Variants in ANK1 observed in about 807,000 individuals in gnomAD.
ANK1 encodes the protein ankyrin 1, also known as ankyrin-1.
ANK1 carries 51 observed loss-of-function variants against 210.4 expected under a neutral mutation model. The observed-to-expected ratio is 0.24, with a 90% CI of 0.19 to 0.31. ANK1 has a LOEUF of 0.31. Among genes scored for constraint, ANK1 ranks in the 10% least tolerant of loss-of-function variants. ANK1 has a pLI of 1.00. For missense variants in ANK1, 2,051 were observed against 2,504.4 expected, an observed-to-expected ratio of 0.82 and a Z score of 3.86; for synonymous variants, 967 against 1,025.9, an observed-to-expected ratio of 0.94 and a Z score of 1.10.
intron 1 of ANK1, among the ~76,000 whole-genome samples, chr8:41,773,862 G>A (rs545794040): frequency 2.4e-4 from 37 of 152,266 alleles, no homozygotes; most frequent in African/African-American, 8.7e-4. Flanking sequence ...GATGGGGAGT[G>A]GACCCAAGTG....
chr8:41,865,205 G>T (rs1296783767), intron 1 of ANK1, among the ~76,000 whole-genome samples: 2 of 152,168 alleles, frequency 1.3e-5, no homozygotes. Context: ...TGAGCACACG[G>T]CTGAGGAGGG....
At chr8:41,723,785 A>C in intron 7 of ANK1, 152 bp from the exon 8 acceptor site, 2 of 468,956 alleles carry the variant, frequency 4.3e-6, no homozygotes, top group African/African-American at 2.1e-5. Context: ...ATTTTTTTTT[A>C]TTTTTTATTT....
intron 39 of ANK1, among the ~76,000 whole-genome samples, chr8:41,664,468 G>T (rs1809678317): frequency 6.6e-6 from 1 of 151,994 alleles, no homozygotes; most frequent in Admixed American, 6.6e-5. Flanking sequence ...GGACTAAACA[G>T]CAAGACTTCA....
At chr8:41,822,195 A>T (rs1036917135) in intron 1 of ANK1, among the ~76,000 whole-genome samples, 1 of 151,802 alleles carries the variant, frequency 6.6e-6, no homozygotes, top group Non-Finnish European at 1.5e-5. Context: ...AGAAGGAAAG[A>T]AAGAAAAGAA....
At chr8:41,782,532 T>C (rs1375474087) in intron 1 of ANK1, among the ~76,000 whole-genome samples, 2 of 152,146 alleles carry the variant, frequency 1.3e-5, no homozygotes, top group Non-Finnish European at 2.9e-5. Context: ...GAGTGAGCCC[T>C]GCATCCAGCA....
intron 33 of ANK1, among the ~76,000 whole-genome samples, chr8:41,688,994 T>C (rs80008824): frequency 0.019 from 2,968 of 152,386 alleles, 46 homozygotes; most frequent in Non-Finnish European, 0.028. Context: ...CTTAAAATGA[T>C]TGTTTTTCTT....
chr8:41,825,856 C>A (rs567905629), intron 1 of ANK1, among the ~76,000 whole-genome samples: 3 of 152,100 alleles, frequency 2.0e-5, no homozygotes, highest in Non-Finnish European at 4.4e-5. Context: ...TCTTGCCTGC[C>A]GCCATGTAAG....
chr8:41,717,475 AGTCT>A (rs1828016575), intron 12 of ANK1, 125 bp downstream of exon 12: 2 of 880,132 alleles, frequency 2.3e-6, no homozygotes, highest in Admixed American at 4.0e-5. Context: ...GTCCTCCCCC[AGTCT>A]GAAGCATTGG....
At chr8:41,805,748 T>C (rs1196812812) in intron 1 of ANK1, among the ~76,000 whole-genome samples, 2 of 152,264 alleles carry the variant, frequency 1.3e-5, no homozygotes, top group African/African-American at 4.8e-5. Context: ...AGAGGGTCAC[T>C]ACTTTCCATT....
intron 1 of ANK1, among the ~76,000 whole-genome samples, chr8:41,874,215 C>G (rs1239404548): frequency 6.6e-6 from 1 of 152,220 alleles, no homozygotes; most frequent in Non-Finnish European, 1.5e-5. Flanking sequence ...GCACCCTGAA[C>G]TGTCTCAGGG....
chr8:41,759,585 T>A (rs987490255), intron 1 of ANK1, among the ~76,000 whole-genome samples: 3 of 152,168 alleles, frequency 2.0e-5, no homozygotes, highest in Non-Finnish European at 2.9e-5. Flanking sequence ...GCACTTACAT[T>A]AGGTATTATA....
At chr8:41,714,412 G>A (rs1044218007) in intron 15 of ANK1, among the ~76,000 whole-genome samples, 158 bp from the exon 16 acceptor site, 1 of 152,174 alleles carries the variant, frequency 6.6e-6, no homozygotes, top group Non-Finnish European at 1.5e-5. Context: ...AATGTCATCG[G>A]CAGGACCCAG....
At chr8:41,749,424 A>G (rs1837107642) in intron 2 of ANK1, among the ~76,000 whole-genome samples, 1 of 150,886 alleles carries the variant, frequency 6.6e-6, no homozygotes, top group East Asian at 2.0e-4. Flanking sequence ...CAGACTACCA[A>G]GTAGCTAGGA....
At chr8:41,896,107 G>A (rs1424608682) in intron 1 of ANK1, among the ~76,000 whole-genome samples, 2 of 152,204 alleles carry the variant, frequency 1.3e-5, no homozygotes, top group African/African-American at 4.8e-5. Flanking sequence ...GCTGGCGGGA[G>A]GATTCTGCGC....
At chr8:41,664,065 C>T (rs1054603395) in intron 39 of ANK1, 1 of 511,290 alleles carries the variant, frequency 2.0e-6, no homozygotes, top group African/African-American at 1.9e-5. Context: ...GGAAGTGAGG[C>T]ACCTGTTTCC....
chr8:41,696,917 T>C (rs1480002829), intron 24 of ANK1, 144 bp from the exon 25 acceptor site: 2 of 797,400 alleles, frequency 2.5e-6, no homozygotes, highest in African/African-American at 1.7e-5. Flanking sequence ...CCCACCGCCC[T>C]GTCAGACAAG....
chr8:41,775,796 A>G (rs1843904023), intron 1 of ANK1, among the ~76,000 whole-genome samples: 1 of 152,144 alleles, frequency 6.6e-6, no homozygotes, highest in Non-Finnish European at 1.5e-5. Context: ...CTGAGGTGGG[A>G]GAATCGCTTG....
In ANK1 at chr8:41,690,268, T is replaced by A; in HGVS notation, c.4063A>T (p.Ile1355Phe). 6.2e-7 allele frequency: 1 copy of A among 1,614,214 alleles called. No homozygotes were observed. Among genetic ancestry groups the A allele is most frequent in the Non-Finnish European group, 8.5e-7 (1 of 1,180,040 alleles). Reference sequence around the variant, plus strand: ...ATGGTGATGTTCAGGTGGCAGAGAATGTGCTGGGTGTCCTCGTACTTCATC... The same window carrying A: ...ATGGTGATGTTCAGGTGGCAGAGAAAGTGCTGGGTGTCCTCGTACTTCATC... ...KAMKYEDTQHILCHLNITMPP... is the reference protein window; with the variant it reads ...KAMKYEDTQHFLCHLNITMPP... The change falls in exon 33 of 43, where the codon ATT (isoleucine) becomes TTT (phenylalanine). Residue 1355 changes from isoleucine to phenylalanine, a missense_variant. Coordinates refer to ENST00000289734, the MANE Select transcript of ANK1 (RefSeq NM_000037.4).
At chr8:41,732,297 G>A (rs1832369637) in intron 3 of ANK1, among the ~76,000 whole-genome samples, 1 of 152,154 alleles carries the variant, frequency 6.6e-6, no homozygotes, top group Non-Finnish European at 1.5e-5. Flanking sequence ...AAGAGGCTAG[G>A]GGGAAAGAAC....
Sources: allele counts gnomAD v4.1 joint callset (sites outside exome capture counted in the v4.1 genomes callset), GRCh38; gene constraint gnomAD v4.1.1; transcripts MANE v1.5; gene names NCBI Gene and HGNC (gene_info 2026-07-23, HGNC 2026-07-21).